Variants in TBCK observed in about 807,000 individuals in gnomAD.
TBCK encodes the protein TBC1 domain containing kinase.
In TBCK, 99 loss-of-function variants were observed where a neutral mutation model predicts 113.4. The ratio of observed to expected loss-of-function variants is 0.87; its 90% CI spans 0.74 to 1.03. The LOEUF is 1.03. Ranked by LOEUF, TBCK falls within the 50% of genes least tolerant of loss-of-function variation. The probability of loss-of-function intolerance (pLI) is 0.00; values close to 1 mark genes in which losing one functional copy is unlikely to be tolerated. For synonymous variants in TBCK, 369 were observed against 370.8 expected (o/e 1.00, Z 0.05); for missense variants, 1,045 against 1,061.3 (o/e 0.98, Z 0.21).
intron 24 of TBCK, among the ~76,000 whole-genome samples, chr4:106,097,469 C>T (rs1423714985): frequency 6.6e-6 from 1 of 152,090 alleles, no homozygotes; most frequent in Non-Finnish European, 1.5e-5. Flanking sequence ...AATCGTCTAT[C>T]ATTACTGGAA....
intron 19 of TBCK, among the ~76,000 whole-genome samples, chr4:106,226,488 A>C (rs1378561632): frequency 6.6e-6 from 1 of 152,180 alleles, no homozygotes; most frequent in Non-Finnish European, 1.5e-5. Context: ...CAATATTTTC[A>C]TCTTTCTAAA....
Position 106,265,508 on chromosome 4 carries a change from G to A in TBCK, c.267-3296C>T, listed in dbSNP as rs188037653. Among the ~76,000 whole-genome samples the A allele has an allele frequency of 5.2e-4, 67 of 129,544 alleles. 1 individual carries two copies. The highest frequency in any genetic ancestry group is 2.0e-3 in the African/African-American group (66 of 33,180). The allele number at this position is 129,544 out of a possible 152,430, so 85.0% of individuals were successfully genotyped here. On this transcript the variant is annotated intron_variant, in intron 3 of 25. Coordinates refer to ENST00000394708, the MANE Select transcript of TBCK (RefSeq NM_001163435.3). ...TATCTATTATATAACTTAATTCCAGGAGAGAGAGAGATCCAGAGATCCAAA... is the reference window on the plus strand; with the variant it reads ...TATCTATTATATAACTTAATTCCAGAAGAGAGAGAGATCCAGAGATCCAAA...
intron 19 of TBCK, among the ~76,000 whole-genome samples, chr4:106,220,414 T>C (rs1757543411): frequency 1.3e-5 from 2 of 152,214 alleles, no homozygotes; most frequent in African/African-American, 4.8e-5. Flanking sequence ...CTCTCTTTTT[T>C]TTTCCAGTAT....
At chr4:106,259,667 G>T (rs1188244594) in intron 5 of TBCK, among the ~76,000 whole-genome samples, 1 of 151,892 alleles carries the variant, frequency 6.6e-6, no homozygotes, top group East Asian at 1.9e-4. Flanking sequence ...AAAAGCAAAT[G>T]TAGTGAAATG....
chr4:106,167,886 T>G (rs1750574627), intron 23 of TBCK, among the ~76,000 whole-genome samples: 1 of 151,762 alleles, frequency 6.6e-6, no homozygotes, highest in South Asian at 2.1e-4. Context: ...ACAGAAAGTA[T>G]CAGACCCAGA....
chr4:106,082,086 T>C (rs900242674), intron 25 of TBCK, among the ~76,000 whole-genome samples: 3 of 152,194 alleles, frequency 2.0e-5, no homozygotes, highest in African/African-American at 7.2e-5. Flanking sequence ...GACCTAGCAA[T>C]CCTACTATAT....
At chr4:106,071,017 T>A (rs1737359698) in intron 25 of TBCK, among the ~76,000 whole-genome samples, 1 of 151,922 alleles carries the variant, frequency 6.6e-6, no homozygotes, top group Non-Finnish European at 1.5e-5. Flanking sequence ...GCTAGTGGTC[T>A]ATCTATTTTG....
chr4:106,081,477 C>T (rs1237083439), intron 25 of TBCK, among the ~76,000 whole-genome samples: 2 of 152,128 alleles, frequency 1.3e-5, no homozygotes, highest in East Asian at 3.9e-4. Flanking sequence ...GAACACACGG[C>T]CACATGGTGG....
intron 25 of TBCK, among the ~76,000 whole-genome samples, chr4:106,087,736 C>T (rs766411528): frequency 9.2e-5 from 14 of 151,950 alleles, no homozygotes; most frequent in Non-Finnish European, 1.6e-4. Context: ...TATAGACCAA[C>T]GGAGCAGGAC....
chr4:106,125,486 T>C (rs1260015032), intron 23 of TBCK, among the ~76,000 whole-genome samples: 1 of 151,996 alleles, frequency 6.6e-6, no homozygotes, highest in African/African-American at 2.4e-5. Flanking sequence ...GGATAACAGA[T>C]CGAAACTCCA....
At chr4:106,053,899 C>CA (rs1187005570) in intron 25 of TBCK, among the ~76,000 whole-genome samples, 1 of 151,588 alleles carries the variant, frequency 6.6e-6, no homozygotes, top group Non-Finnish European at 1.5e-5. Flanking sequence ...CTGTAACTTT[C>CA]AAAACATATT....
intron 25 of TBCK, among the ~76,000 whole-genome samples, chr4:106,084,163 C>G (rs1287680294): frequency 6.6e-6 from 1 of 152,014 alleles, no homozygotes; most frequent in Non-Finnish European, 1.5e-5. Flanking sequence ...ATGTTCTAAC[C>G]CAATGCAAAG....
intron 12 of TBCK, among the ~76,000 whole-genome samples, chr4:106,238,021 C>A (rs1759669536): frequency 6.6e-6 from 1 of 151,942 alleles, no homozygotes; most frequent in African/African-American, 2.4e-5. Context: ...ATTAATATTT[C>A]TTAATAACTA....
At chr4:106,245,703 A>C (rs1760719859) in intron 10 of TBCK, among the ~76,000 whole-genome samples, 1 of 152,198 alleles carries the variant, frequency 6.6e-6, no homozygotes, top group Non-Finnish European at 1.5e-5. Context: ...TATATAATAA[A>C]GACATTTATT....
intron 2 of TBCK, among the ~76,000 whole-genome samples, chr4:106,298,709 T>C (rs1766594992): frequency 6.6e-6 from 1 of 152,162 alleles, no homozygotes; most frequent in South Asian, 2.1e-4. Context: ...GTTGTTAAGA[T>C]ACATGGTAAG....
At chr4:106,142,993 A>G (rs1174265704) in intron 23 of TBCK, among the ~76,000 whole-genome samples, 1 of 152,224 alleles carries the variant, frequency 6.6e-6, no homozygotes. Flanking sequence ...AAATCAGTTC[A>G]GCTACTAGCT....
intron 9 of TBCK, 59 bp downstream of exon 9, chr4:106,248,186 A>C: frequency 8.2e-7 from 1 of 1,217,128 alleles, no homozygotes; most frequent in Non-Finnish European, 1.2e-6. Context: ...ACAAGAAAAA[A>C]ACCAATTGCT....
chr4:106,260,919 G>A (rs1411915222), intron 4 of TBCK, among the ~76,000 whole-genome samples: 1 of 151,926 alleles, frequency 6.6e-6, no homozygotes, highest in African/African-American at 2.4e-5. Flanking sequence ...TCCATTTATA[G>A]TTATAATTTA....
At chr4:106,146,207 C>T (rs1365734411) in intron 23 of TBCK, among the ~76,000 whole-genome samples, 1 of 148,310 alleles carries the variant, frequency 6.7e-6, no homozygotes, top group Non-Finnish European at 1.5e-5. Context: ...ACATGTAATA[C>T]ATATACATAT....
Sources: allele counts gnomAD v4.1 joint callset (sites outside exome capture counted in the v4.1 genomes callset), GRCh38; gene constraint gnomAD v4.1.1; transcripts MANE v1.5; gene names NCBI Gene and HGNC (gene_info 2026-07-23, HGNC 2026-07-21).